PRKG1: variants seen among roughly 807,000 people sequenced by gnomAD.
The protein encoded by PRKG1 is cGMP-dependent protein kinase 1.
A neutral mutation model predicts 88.1 loss-of-function variants in PRKG1; 35 were observed. The observed-to-expected ratio is 0.40, with a 90% CI of 0.30 to 0.53. The LOEUF (loss-of-function observed/expected upper bound fraction) is 0.53, where lower values mean the gene tolerates loss of function less well. PRKG1 is among the 20% of genes least tolerant of loss of function. PRKG1 has a pLI of 0.59. For synonymous variants in PRKG1, 303 were observed against 292.5 expected (o/e 1.04, Z -0.37); for missense variants, 540 against 839.8 (o/e 0.64, Z 4.41).
At chr10:51,538,964 A>G (rs935361408) in intron 3 of PRKG1, among the ~76,000 whole-genome samples, 1 of 152,082 alleles carries the variant, frequency 6.6e-6, no homozygotes, top group Non-Finnish European at 1.5e-5. Flanking sequence ...TAGATTTTAT[A>G]TATGTGTATT....
intron 3 of PRKG1, among the ~76,000 whole-genome samples, chr10:51,775,776 G>T (rs1838419051): frequency 6.6e-6 from 1 of 151,874 alleles, no homozygotes; most frequent in African/African-American, 2.4e-5. Context: ...AGAGACAGGG[G>T]TTTCACCATG....
intron 9 of PRKG1, among the ~76,000 whole-genome samples, chr10:52,163,161 AT>A (rs917679346): frequency 3.3e-5 from 5 of 151,354 alleles, no homozygotes; most frequent in African/African-American, 7.3e-5. Flanking sequence ...TCCTATAGGA[AT>A]TTTTTTGGTA....
chr10:51,423,686 C>A (rs1838485670), intron 2 of PRKG1, among the ~76,000 whole-genome samples: 1 of 152,094 alleles, frequency 6.6e-6, no homozygotes, highest in African/African-American at 2.4e-5. Context: ...AAAGCAATAT[C>A]TATATTATGA....
chr10:51,030,047 G>A (rs1049699622), intron 1 of PRKG1, among the ~76,000 whole-genome samples: 3 of 152,076 alleles, frequency 2.0e-5, no homozygotes, highest in African/African-American at 7.2e-5. Flanking sequence ...AATTGTTACT[G>A]TTAGAGAAAC....
At chr10:51,554,151 GTA>G (rs1837237532) in intron 3 of PRKG1, among the ~76,000 whole-genome samples, 1 of 147,240 alleles carries the variant, frequency 6.8e-6, no homozygotes. Context: ...TGTGATATGT[GTA>G]TATATTATAT....
intron 4 of PRKG1, among the ~76,000 whole-genome samples, chr10:51,829,324 C>G (rs937137918): frequency 1.3e-5 from 2 of 152,132 alleles, no homozygotes; most frequent in African/African-American, 4.8e-5. Flanking sequence ...TTTGATAAGT[C>G]AAGCTCACAC....
chr10:51,941,064 G>A (rs1341878389), intron 5 of PRKG1, among the ~76,000 whole-genome samples: 2 of 151,672 alleles, frequency 1.3e-5, no homozygotes, highest in South Asian at 2.1e-4. Flanking sequence ...TTAAATTTCA[G>A]GATCCATCCA....
intron 7 of PRKG1, among the ~76,000 whole-genome samples, chr10:52,079,632 C>A (rs887195017): frequency 1.4e-4 from 22 of 152,198 alleles, no homozygotes; most frequent in East Asian, 5.8e-4. Context: ...GTGGGAGAAG[C>A]AAGTGGACCA....
In PRKG1 at chr10:51,444,767, A is replaced by G. The variant is rs1053658150; in HGVS notation, c.479-22956A>G. Among the ~76,000 whole-genome samples, 4 of 151,974 alleles carry G rather than the reference A, an allele frequency of 2.6e-5. No individual in the cohort carries two copies. In the South Asian group the frequency reaches 6.2e-4, roughly 24 times the overall value. The stretch of plus-strand genomic sequence containing the variant: ...TGCTTCTATAATGCATTATTTGTAG[A>G]GTAACAGCAATTTTGTTTTTGTTTC... On this transcript the variant is annotated intron_variant, in intron 2 of 17. Coordinates refer to ENST00000373980, the MANE Select transcript of PRKG1 (RefSeq NM_006258.4).
rs373084848 is a variant in PRKG1 at position 51,508,966 on chromosome 10, A to T, written c.592+41130A>T. ...GTGTTGACCACAAAATGTAATCTAA[A>T]GGGCATTTCAGATTTCAAATGACTT... On this transcript the variant is annotated intron_variant, in intron 3 of 17. Coordinates refer to ENST00000373980, the MANE Select transcript of PRKG1 (RefSeq NM_006258.4). 3.9e-5 allele frequency among the ~76,000 whole-genome samples: 6 copies of T among 152,326 alleles called. No individual in the cohort carries two copies. In the South Asian group the frequency reaches 1.2e-3, roughly 32 times the overall value.
intron 3 of PRKG1, among the ~76,000 whole-genome samples, chr10:51,622,305 A>T (rs972487900): frequency 1.3e-5 from 2 of 152,200 alleles, no homozygotes; most frequent in African/African-American, 4.8e-5. Context: ...TCTTCAGGGA[A>T]TATAGATGCT....
chr10:51,536,787 C>T (rs1344861388), intron 3 of PRKG1, among the ~76,000 whole-genome samples: 1 of 148,520 alleles, frequency 6.7e-6, no homozygotes, highest in Non-Finnish European at 1.5e-5. Context: ...TCTCCTAACG[C>T]TATCCCTCAC....
chr10:51,148,206 C>T, intron 1 of PRKG1: 1 of 982,276 alleles, frequency 1.0e-6, no homozygotes. Context: ...CTGTCATGTC[C>T]TCAATGAAGA....
rs1047788868 is a variant in PRKG1 at position 51,199,027 on chromosome 10, G to A, written c.478+45697G>A. Among the ~76,000 whole-genome samples, 4 of 152,254 alleles carry A rather than the reference G, an allele frequency of 2.6e-5. No homozygotes were observed. The East Asian group carries it at 5.8e-4, about 22-fold the overall frequency. On this transcript the variant is annotated intron_variant, in intron 2 of 17. Coordinates refer to ENST00000373980, the MANE Select transcript of PRKG1 (RefSeq NM_006258.4). ...AAGAAGTGATACTGAAAAATCAGAA[G>A]TGCAAAAAGGGTGACGAACATCTGA...
intron 2 of PRKG1, among the ~76,000 whole-genome samples, chr10:51,249,049 C>A (rs533784010): frequency 1.3e-5 from 2 of 151,804 alleles, no homozygotes; most frequent in Admixed American, 1.3e-4. Context: ...AGGTTTAATG[C>A]AAATTTATCA....
chr10:52,050,052 T>A (rs950460108), intron 5 of PRKG1, among the ~76,000 whole-genome samples: 4 of 142,000 alleles, frequency 2.8e-5, no homozygotes, highest in Non-Finnish European at 3.0e-5. Flanking sequence ...AGAGAGAGAG[T>A]GTGTTCATGT....
intron 2 of PRKG1, among the ~76,000 whole-genome samples, chr10:51,266,685 G>A (rs536193618): frequency 6.6e-6 from 1 of 152,304 alleles, no homozygotes; most frequent in East Asian, 1.9e-4. Context: ...TATTAAAACA[G>A]AATGGAATAC....
chr10:51,223,821 A>T (rs1386919100), intron 2 of PRKG1, among the ~76,000 whole-genome samples: 1 of 152,222 alleles, frequency 6.6e-6, no homozygotes, highest in Non-Finnish European at 1.5e-5. Context: ...GCTCACAAAT[A>T]TAATGCAAAT....
At chr10:51,574,434 T>C (rs1837834751) in intron 3 of PRKG1, among the ~76,000 whole-genome samples, 1 of 151,842 alleles carries the variant, frequency 6.6e-6, no homozygotes, top group Non-Finnish European at 1.5e-5. Flanking sequence ...TAGTCAAGGA[T>C]AGGGAGGGGA....
Sources: allele counts gnomAD v4.1 joint callset (sites outside exome capture counted in the v4.1 genomes callset), GRCh38; gene constraint gnomAD v4.1.1; transcripts MANE v1.5; gene names NCBI Gene and HGNC (gene_info 2026-07-23, HGNC 2026-07-21).